Variants in LGMN observed in about 807,000 individuals in gnomAD.
LGMN encodes the protein asparaginyl endopeptidase.
A neutral mutation model predicts 56.8 loss-of-function variants in LGMN; 36 were observed. The ratio of observed to expected loss-of-function variants is 0.63; its 90% CI spans 0.49 to 0.84. The LOEUF (loss-of-function observed/expected upper bound fraction) is 0.84. Ranked by LOEUF, LGMN falls within the 40% of genes least tolerant of loss-of-function variation. LGMN has a pLI of 0.00. For missense variants in LGMN, 446 were observed against 556.1 expected, an observed-to-expected ratio of 0.80 and a Z score of 1.99; for synonymous variants, 199 against 210.1, an observed-to-expected ratio of 0.95 and a Z score of 0.46.
Position 92,726,919 on chromosome 14 carries a change from T to C in LGMN, c.138+5730A>G, listed in dbSNP as rs533192578. ...ACTTGAACATGAGCACGTGATGCAATTCTGGCCAGGAAGACTCGGGACAAA... is the reference window on the plus strand; with the variant it reads ...ACTTGAACATGAGCACGTGATGCAACTCTGGCCAGGAAGACTCGGGACAAA... On this transcript the variant is annotated intron_variant, in intron 2 of 13. Coordinates refer to ENST00000334869, the MANE Select transcript of LGMN (RefSeq NM_005606.7). Among the ~76,000 whole-genome samples the C allele has an allele frequency of 4.6e-5, 7 of 152,270 alleles. No individual in the cohort carries two copies. The South Asian group carries it at 1.4e-3, about 32-fold the overall frequency.
At position 92,736,169 on chromosome 14, in the gene LGMN, T is replaced by G. The variant is rs992306873; in HGVS notation, c.-29-3354A>C. Among the ~76,000 whole-genome samples the G allele has an allele frequency of 2.0e-5, 3 of 152,300 alleles. No homozygotes were observed. In the South Asian group the frequency reaches 6.2e-4, roughly 32 times the overall value. ...TGTCTACCTTAGGTGCAATGCTTGT[T>G]TAGACATAAGACAACAAAGCAAAAC... On this transcript the variant is annotated intron_variant, in intron 1 of 13. Coordinates refer to ENST00000334869, the MANE Select transcript of LGMN (RefSeq NM_005606.7).
intron 1 of LGMN, among the ~76,000 whole-genome samples, chr14:92,744,931 C>T (rs1384751127): frequency 1.3e-5 from 2 of 151,954 alleles, no homozygotes; most frequent in African/African-American, 2.4e-5. Context: ...GCAAGTAACA[C>T]GTATTTCAAA....
intron 1 of LGMN, among the ~76,000 whole-genome samples, chr14:92,738,108 G>A (rs975735459): frequency 6.6e-6 from 1 of 152,116 alleles, no homozygotes; most frequent in Admixed American, 6.5e-5. Flanking sequence ...CGGTTGACCT[G>A]ACTGTGAACA....
intron 12 of LGMN, among the ~76,000 whole-genome samples, chr14:92,705,175 A>G (rs139071123): frequency 6.6e-6 from 1 of 152,204 alleles, no homozygotes; most frequent in South Asian, 2.1e-4. Context: ...GAACAAAGGA[A>G]GAGGTTCACT....
rs1469173179 is a variant in LGMN at position 92,742,304 on chromosome 14, TTC to T, written c.-30+6183_-30+6184del. ...GTTTTTTGTTTTGCTTTTTTTTTTT[TTC>T]TTTTTTTTTGAGACAGAGTCTCACT... On this transcript the variant is annotated intron_variant, in intron 1 of 13. Transcript: ENST00000334869. 5.9e-3 allele frequency among the ~76,000 whole-genome samples: 591 copies of T among 100,074 alleles called. 63 individuals carry two copies. The highest frequency in any genetic ancestry group is 0.023 in the Middle Eastern group (5 of 222). The allele number at this position is 100,074 out of a possible 152,430, so 65.7% of individuals were successfully genotyped here.
intron 2 of LGMN, among the ~76,000 whole-genome samples, chr14:92,730,836 A>G (rs2140259136): frequency 6.6e-6 from 1 of 152,014 alleles, no homozygotes; most frequent in East Asian, 1.9e-4. Context: ...AGGCTGAGGC[A>G]GGAGAATAGC....
At chr14:92,739,252 C>G (rs1417235923) in intron 1 of LGMN, among the ~76,000 whole-genome samples, 1 of 152,144 alleles carries the variant, frequency 6.6e-6, no homozygotes, top group East Asian at 1.9e-4. Flanking sequence ...AATCTGGCAG[C>G]ATCCCTATGA....
intron 2 of LGMN, among the ~76,000 whole-genome samples, chr14:92,727,421 C>T (rs1279799621): frequency 7.9e-6 from 1 of 125,992 alleles, no homozygotes; most frequent in African/African-American, 3.1e-5. Context: ...CAGAGCAAGA[C>T]TGCCTCACAA....
chr14:92,734,432 C>T (rs1188036291), intron 1 of LGMN, among the ~76,000 whole-genome samples: 1 of 152,014 alleles, frequency 6.6e-6, no homozygotes, highest in Non-Finnish European at 1.5e-5. Flanking sequence ...TCACCCTGTC[C>T]AACATGGCAA....
At chr14:92,718,597 AG>A (rs1890190566) in intron 3 of LGMN, 149 bp downstream of exon 3, 1 of 433,232 alleles carries the variant, frequency 2.3e-6, no homozygotes, top group Admixed American at 3.6e-5. Context: ...AAAAAAAAAA[AG>A]CTCAACATGA....
rs765640162 is a variant in LGMN at position 92,711,960 on chromosome 14, G to A, written c.611-5C>T. The A allele has an allele frequency of 6.3e-6, 10 of 1,585,244 alleles. No homozygotes were observed. Among genetic ancestry groups the A allele is most frequent in the South Asian group, 3.3e-5 (3 of 90,436 alleles). On this transcript the variant is annotated splice_region_variant and splice_polypyrimidine_tract_variant and intron_variant, in intron 8 of 13. Coordinates refer to ENST00000334869, the MANE Select transcript of LGMN (RefSeq NM_005606.7). ...TGGCAGCAGTAGTTGCATAAACTAC[G>A]AGGAATTAAAGATGATCTTTTAGTT...
Position 92,718,789 on chromosome 14 carries a change from T to C in LGMN, c.194A>G (p.Gln65Arg). 6.2e-7 allele frequency: 1 copy of C among 1,613,390 alleles called. No individual in the cohort carries two copies. Among genetic ancestry groups the C allele is most frequent in the Non-Finnish European group, 8.5e-7 (1 of 1,179,504 alleles). Residue 65 changes from glutamine to arginine, a missense_variant, in exon 3 of 14, where the codon CAG becomes CGG. Coordinates refer to ENST00000334869, the MANE Select transcript of LGMN (RefSeq NM_005606.7). ...GTCATCGTACATCATCACAACGATCTGTTCGTCAGGAATCCCATTGCGGTG... is the reference window on the plus strand; with the variant it reads ...GTCATCGTACATCATCACAACGATCCGTTCGTCAGGAATCCCATTGCGGTG... ...IIHRNGIPDE[Q>R]IVVMMYDDIA...
chr14:92,730,701 T>C (rs1595555740), intron 2 of LGMN, among the ~76,000 whole-genome samples: 1 of 152,142 alleles, frequency 6.6e-6, no homozygotes, highest in Non-Finnish European at 1.5e-5. Context: ...TCCCAGCACT[T>C]TGGGAGGCTG....
chr14:92,722,523 G>A (rs1890529344), intron 2 of LGMN, among the ~76,000 whole-genome samples: 1 of 149,888 alleles, frequency 6.7e-6, no homozygotes, highest in Admixed American at 6.6e-5. Context: ...GGCAGAGGTT[G>A]CAGTGAGCCG....
chr14:92,704,859 A>G (rs1889348231), intron 12 of LGMN, 152 bp from the exon 13 acceptor site: 3 of 651,388 alleles, frequency 4.6e-6, no homozygotes, highest in African/African-American at 1.8e-5. Context: ...TAATCTGGTG[A>G]TATTTATGGA....
rs1566917567 is a variant in LGMN at position 92,711,727 on chromosome 14, G to A, written c.751C>T (p.Leu251=). 6.2e-7 allele frequency: 1 copy of A among 1,614,198 alleles called. No homozygotes were observed. The highest frequency in any genetic ancestry group is 2.2e-5 in the East Asian group (1 of 44,888). Residue 251 remains leucine (L), a synonymous_variant, in exon 10 of 14, where the codon CTG becomes TTG. Coordinates refer to ENST00000334869, the MANE Select transcript of LGMN (RefSeq NM_005606.7). ...TTTACCAGGTGGTACTGCTTGTGCA[G>A]GGTCTCTTTAGTCAGATCTTCCTGC... ...SDVEDLTKET[L]HKQYHLVKSH...
intron 2 of LGMN, among the ~76,000 whole-genome samples, chr14:92,728,291 C>T (rs1890843758): frequency 6.6e-6 from 1 of 152,182 alleles, no homozygotes. Flanking sequence ...CTGGATTCCT[C>T]ATATACGCAG....
intron 1 of LGMN, among the ~76,000 whole-genome samples, chr14:92,739,955 A>G (rs1416661266): frequency 6.6e-6 from 1 of 152,186 alleles, no homozygotes; most frequent in African/African-American, 2.4e-5. Context: ...GGGAGATCAG[A>G]GAGAAAGACT....
At chr14:92,705,517 A>ACAAG (rs1889385040) in intron 12 of LGMN, among the ~76,000 whole-genome samples, 1 of 151,538 alleles carries the variant, frequency 6.6e-6, no homozygotes, top group African/African-American at 2.4e-5. Context: ...AAACAAACAA[A>ACAAG]CAAAAAAAAC....
Sources: allele counts gnomAD v4.1 joint callset (sites outside exome capture counted in the v4.1 genomes callset), GRCh38; gene constraint gnomAD v4.1.1; transcripts MANE v1.5; gene names NCBI Gene and HGNC (gene_info 2026-07-23, HGNC 2026-07-21).